The following CACNA1A variants were observed in gnomAD, a reference collection of about 807,000 sequenced individuals.
CACNA1A encodes voltage-dependent P/Q-type calcium channel subunit alpha-1A.
CACNA1A carries 57 observed loss-of-function variants against 262.4 expected under a neutral mutation model. The observed-to-expected ratio is 0.22, with a 90% CI of 0.18 to 0.27. CACNA1A has a LOEUF of 0.27. Among genes scored for constraint, CACNA1A ranks in the 10% least tolerant of loss-of-function variants. CACNA1A has a pLI of 1.00. For missense variants in CACNA1A, 2,526 were observed against 3,562.8 expected (o/e 0.71, Z 7.41); for synonymous variants, 1,431 against 1,419.3 (o/e 1.01, Z -0.18).
At chr19:13,392,210 CAAAAAAAAAGAAAAGAA>C (rs1161184776) in intron 3 of CACNA1A, among the ~76,000 whole-genome samples, 3 of 146,644 alleles carry the variant, frequency 2.0e-5, no homozygotes, top group Non-Finnish European at 3.0e-5. Context: ...AAACTCTGTT[CAAAAAAAAAGAAAAGAA>C]AAGAAAAAAG....
intron 10 of CACNA1A, among the ~76,000 whole-genome samples, chr19:13,322,290 A>G (rs1394325823): frequency 6.6e-6 from 1 of 152,078 alleles, no homozygotes; most frequent in Non-Finnish European, 1.5e-5. Flanking sequence ...TTATGCATCT[A>G]TGAACTGAGG....
At chr19:13,234,875 C>T (rs370289586) in intron 34 of CACNA1A, 46 bp downstream of exon 34, 1 of 1,329,782 alleles carries the variant, frequency 7.5e-7, no homozygotes, top group Non-Finnish European at 1.1e-6. Context: ...AAGGCAGGCA[C>T]CCCACCCCAC....
chr19:13,414,718 G>C (rs1342840644), intron 3 of CACNA1A, among the ~76,000 whole-genome samples: 1 of 151,928 alleles, frequency 6.6e-6, no homozygotes, highest in Non-Finnish European at 1.5e-5. Context: ...AGCACTTTGA[G>C]AGACCAAAGT....
At position 13,437,806 on chromosome 19, in the gene CACNA1A, G is replaced by A. The variant is rs557839092; in HGVS notation, c.539+15070C>T. Among the ~76,000 whole-genome samples the A allele has an allele frequency of 1.3e-4, 20 of 152,004 alleles. No homozygotes were observed. The South Asian group carries it at 3.3e-3, about 25-fold the overall frequency. On this transcript the variant is annotated intron_variant, in intron 3 of 46. Transcript: ENST00000360228. ...GGCCTCTGCCCCCACCTGAGCCCCT[G>A]AGCCAATGGAATCAGAGCCAGGTTT...
chr19:13,356,507 C>T (rs563296201), intron 6 of CACNA1A, among the ~76,000 whole-genome samples: 7 of 152,276 alleles, frequency 4.6e-5, no homozygotes, highest in African/African-American at 1.4e-4. Context: ...TTAGAGGCTT[C>T]CAAGGGAAAC....
chr19:13,259,652 C>G lies in CACNA1A; in HGVS notation c.4300G>C (p.Glu1434Gln). The stretch of plus-strand genomic sequence containing the variant: ...TAATGGAATTCATACTTCTTCCACT[C>G]CCGGTCTCGCGCCTTCACCTCATTC... ...EKNEVKARDR[E>Q]WKKYEFHYDN... Residue 1434 changes from glutamate to glutamine, a missense_variant, in exon 27 of 47, where the codon GAG becomes CAG. Around this residue, in one of 17 missense-constraint regions of CACNA1A, gnomAD observed 137 missense variants for 377.7 expected, o/e 0.36. Coordinates refer to ENST00000360228, the MANE Select transcript of CACNA1A (RefSeq NM_001127222.2). 2 of 1,610,762 alleles carry G rather than the reference C, an allele frequency of 1.2e-6. No individual in the cohort carries two copies. Among genetic ancestry groups the G allele is most frequent in the Non-Finnish European group, 1.7e-6 (2 of 1,178,510 alleles).
chr19:13,266,121 G>A (rs1264913839), intron 24 of CACNA1A, among the ~76,000 whole-genome samples: 8 of 152,128 alleles, frequency 5.3e-5, no homozygotes, highest in Non-Finnish European at 1.0e-4. Context: ...TGGGATTATA[G>A]GTGTGAGCCA....
chr19:13,418,322 T>C (rs2089141600), intron 3 of CACNA1A, among the ~76,000 whole-genome samples: 1 of 152,064 alleles, frequency 6.6e-6, no homozygotes, highest in African/African-American at 2.4e-5. Context: ...TACAAGGTAG[T>C]GGTGTGTGTA....
chr19:13,253,859 C>T (rs1372867968), intron 29 of CACNA1A, among the ~76,000 whole-genome samples: 6 of 152,162 alleles, frequency 3.9e-5, no homozygotes, highest in Non-Finnish European at 8.8e-5. Flanking sequence ...CATGCCTCAG[C>T]CTCTCACGCA....
At chr19:13,489,160 C>T (rs1980449364) in intron 1 of CACNA1A, among the ~76,000 whole-genome samples, 2 of 151,392 alleles carry the variant, frequency 1.3e-5, no homozygotes, top group South Asian at 4.2e-4. Context: ...TGCGGGTGTG[C>T]ACCACCATGC....
At chr19:13,306,847 G>A (rs1047904231) in intron 15 of CACNA1A, among the ~76,000 whole-genome samples, 3 of 152,132 alleles carry the variant, frequency 2.0e-5, no homozygotes, top group Non-Finnish European at 4.4e-5. Flanking sequence ...TCCGTCCCAT[G>A]GAAACCACAA....
At chr19:13,235,155 A>T in intron 33 of CACNA1A, 54 bp downstream of exon 33, 1 of 1,579,578 alleles carries the variant, frequency 6.3e-7, no homozygotes, top group South Asian at 1.1e-5. Context: ...CCCCTTTCTA[A>T]GGGTGGCTGC....
chr19:13,414,693 C>T (rs1464654838), intron 3 of CACNA1A, among the ~76,000 whole-genome samples: 1 of 151,824 alleles, frequency 6.6e-6, no homozygotes, highest in Non-Finnish European at 1.5e-5. Context: ...TGTGGTGGCT[C>T]ATGTCTGTAG....
Position 13,506,196 on chromosome 19 carries a change from G to A in CACNA1A, c.29C>T (p.Ala10Val), listed in dbSNP as rs952757731. The A allele has an allele frequency of 3.3e-6, 5 of 1,498,646 alleles. No individual in the cohort carries two copies. The Admixed American group carries it at 9.4e-5, about 28-fold the overall frequency. The allele number at this position is 1,498,646 out of a possible 1,614,324, so 92.8% of individuals were successfully genotyped here. A position where few individuals can be genotyped will look rare whatever the true frequency, so the allele number is the denominator to read the frequency against. ...CCCGGAGCCTCCTCCCCCGTAGCGGGCCGGCATCTCGTCTCCGAAGCGGGC... is the reference window on the plus strand; with the variant it reads ...CCCGGAGCCTCCTCCCCCGTAGCGGACCGGCATCTCGTCTCCGAAGCGGGC... MARFGDEMP[A>V]RYGGGGSGAA... Residue 10 changes from alanine to valine, a missense_variant, in exon 1 of 47, where the codon GCC (alanine) becomes GTC (valine). This residue lies in a region of CACNA1A where 65 missense variants were observed against 75.6 expected (regional missense o/e 0.86). Transcript: ENST00000360228.
At chr19:13,349,169 G>T (rs1777433847) in intron 6 of CACNA1A, among the ~76,000 whole-genome samples, 1 of 152,126 alleles carries the variant, frequency 6.6e-6, no homozygotes, top group African/African-American at 2.4e-5. Flanking sequence ...CACCCTGTGG[G>T]CCTCCGTTTC....
intron 1 of CACNA1A, among the ~76,000 whole-genome samples, chr19:13,473,946 T>G (rs1978304038): frequency 1.3e-5 from 2 of 152,184 alleles, no homozygotes; most frequent in Admixed American, 1.3e-4. Flanking sequence ...CTCCCTCACT[T>G]GCTCCCCACT....
chr19:13,384,017 T>G (rs1004124037), intron 3 of CACNA1A, among the ~76,000 whole-genome samples: 1 of 152,172 alleles, frequency 6.6e-6, no homozygotes, highest in Admixed American at 6.5e-5. Context: ...AGGGTCCCAG[T>G]ACGTTTCCCA....
intron 3 of CACNA1A, among the ~76,000 whole-genome samples, chr19:13,431,402 AAGAGGCAT>A (rs1220154919): frequency 3.3e-5 from 5 of 152,122 alleles, no homozygotes; most frequent in African/African-American, 1.2e-4. Context: ...GGTGGAGAAA[AAGAGGCAT>A]AGAGGCATAG....
At chr19:13,217,234 AAG>A (rs35377972) in intron 38 of CACNA1A, among the ~76,000 whole-genome samples, 120,261 of 151,440 alleles carry the variant, frequency 0.79, 48,001 homozygotes, top group Middle Eastern at 0.9. Context: ...ATGGACAGGG[AAG>A]AGAGAGAGAG....
Sources: gnomAD v4.1 joint callset for allele counts (sites outside exome capture counted in the v4.1 genomes callset) on GRCh38, gnomAD v4.1.1 for gene constraint, gnomAD v4.1.1 regional missense constraint, MANE v1.5 for transcripts, NCBI Gene and HGNC (gene_info 2026-07-23, HGNC 2026-07-21) for gene names.